Variants in ANKRD18B observed in about 807,000 individuals in gnomAD.
ANKRD18B encodes ankyrin repeat domain-containing protein 18B.
A neutral mutation model predicts 111.8 loss-of-function variants in ANKRD18B; 75 were observed. The ratio of observed to expected loss-of-function variants is 0.67; its 90% confidence interval spans 0.56 to 0.81. ANKRD18B has a LOEUF of 0.81. Among genes scored for constraint, ANKRD18B ranks in the 40% least tolerant of loss-of-function variants. ANKRD18B has a pLI of 0.00. For missense variants in ANKRD18B, 1,038 were observed against 1,225.5 expected (o/e 0.85, Z 2.28); for synonymous variants, 356 against 417.3 (o/e 0.85, Z 1.79).
intron 6 of ANKRD18B, among the ~76,000 whole-genome samples, chr9:33,537,448 G>A (rs114907021): frequency 0.026 from 3,888 of 151,952 alleles, 166 homozygotes; most frequent in African/African-American, 0.087. Flanking sequence ...ATCTCAAACC[G>A]TATTGTCTGA....
At chr9:33,574,338 G>T, downstream of ANKRD18B, 1 of 161,862 alleles carries the variant, frequency 6.2e-6, no homozygotes, top group Non-Finnish European at 1.3e-5. Flanking sequence ...GTAGGAACCT[G>T]GCCAGTTAGC....
At chr9:33,536,212 A>G (rs1261693161) in intron 5 of ANKRD18B, among the ~76,000 whole-genome samples, 2 of 152,166 alleles carry the variant, frequency 1.3e-5, no homozygotes, top group African/African-American at 2.4e-5. Flanking sequence ...TGTTTTAATG[A>G]GATAATAATA....
chr9:33,574,927 C>T (rs1037622021), downstream of ANKRD18B, among the ~76,000 whole-genome samples: 5 of 152,118 alleles, frequency 3.3e-5, no homozygotes, highest in African/African-American at 1.2e-4. Flanking sequence ...CAGTTAGAGA[C>T]ACACAGCAGT....
At chr9:33,565,707 C>T (rs570102518) in intron 14 of ANKRD18B, among the ~76,000 whole-genome samples, 9 of 152,002 alleles carry the variant, frequency 5.9e-5, no homozygotes, top group Non-Finnish European at 1.2e-4. Flanking sequence ...TCCTGGCCTC[C>T]AGTGATCTTT....
Position 33,524,577 on chromosome 9 carries a change from AT to A in ANKRD18B, c.90del (p.Arg31GlyfsTer24), listed in dbSNP as rs1827997488. The A allele has an allele frequency of 6.4e-7, 1 of 1,551,392 alleles. No individual in the cohort carries two copies. The highest frequency in any genetic ancestry group is 1.4e-5 in the African/African-American group (1 of 73,032). ...DQEYAGRGYH[I>X]RDWELRKIHR... The stretch of plus-strand genomic sequence containing the variant: ...AGAGTATGCGGGTCGGGGGTACCAC[AT>A]TCGGGACTGGGAACTGCGGAAGATC... On this transcript the variant is annotated frameshift_variant, in exon 1 of 19. Coordinates refer to ENST00000684830, the MANE Select transcript of ANKRD18B (RefSeq NM_001393611.1). LOFTEE classifies it high-confidence loss of function.
intron 5 of ANKRD18B, among the ~76,000 whole-genome samples, chr9:33,535,820 T>TTA (rs1828192819): frequency 6.9e-6 from 1 of 145,350 alleles, no homozygotes; most frequent in Non-Finnish European, 1.5e-5. Context: ...AATCTATATA[T>TTA]TATATATAGA....
At chr9:33,538,117 A>G (rs1828227043) in intron 6 of ANKRD18B, among the ~76,000 whole-genome samples, 2 of 152,202 alleles carry the variant, frequency 1.3e-5, no homozygotes, top group Non-Finnish European at 2.9e-5. Context: ...TGTCACTAAG[A>G]AAGTAACTGT....
chr9:33,534,825 C>CTTTTTT (rs374951470), intron 5 of ANKRD18B, among the ~76,000 whole-genome samples: 1 of 123,276 alleles, frequency 8.1e-6, no homozygotes, highest in Non-Finnish European at 1.7e-5. Flanking sequence ...TTCTTTCTTC[C>CTTTTTT]TTTTTTTTTT....
chr9:33,538,919 T>C (rs1828239037), intron 6 of ANKRD18B, among the ~76,000 whole-genome samples: 1 of 152,222 alleles, frequency 6.6e-6, no homozygotes, highest in South Asian at 2.1e-4. Flanking sequence ...TACATAATTA[T>C]CAAACCACTT....
intron 16 of ANKRD18B, 115 bp from the exon 17 acceptor site, chr9:33,568,556 C>A: frequency 1.1e-6 from 1 of 871,738 alleles, no homozygotes; most frequent in Non-Finnish European, 1.7e-6. Context: ...TGTGAAAACA[C>A]TGTTTAATGG....
At chr9:33,524,795 C>G in intron 1 of ANKRD18B, 100 bp downstream of exon 1, 3 of 1,399,188 alleles carry the variant, frequency 2.1e-6, no homozygotes, top group Middle Eastern at 2.6e-4. Flanking sequence ...CCCTGGGAGC[C>G]GCGGAGCCAA....
At chr9:33,554,219 CAAAGT>C (rs1271800109) in intron 12 of ANKRD18B, among the ~76,000 whole-genome samples, 17 of 148,692 alleles carry the variant, frequency 1.1e-4, no homozygotes, top group Middle Eastern at 3.4e-3. Context: ...AAGGACAAAG[CAAAGT>C]ATACTGGTGA....
In ANKRD18B at chr9:33,540,172, C is replaced by T. The variant is rs1421915413; in HGVS notation, c.957C>T (p.Leu319=). 6.6e-6 allele frequency: 1 copy of T among 151,164 alleles called. No individual in the cohort carries two copies. The highest frequency in any genetic ancestry group is 1.5e-5 in the Non-Finnish European group (1 of 67,826). The allele number at this position is 151,164 out of a possible 1,614,324, so 9.4% of individuals were successfully genotyped here. Residue 319 remains leucine (L), a synonymous_variant, in exon 8 of 19, where the codon CTC becomes CTT. Coordinates refer to ENST00000684830, the MANE Select transcript of ANKRD18B (RefSeq NM_001393611.1). ...TCAAGCAATTCTCCTGCCTCAGCCTCCCGAGGAGCTGGGACAACAGGCACA... is the reference window on the plus strand; with the variant it reads ...TCAAGCAATTCTCCTGCCTCAGCCTTCCGAGGAGCTGGGACAACAGGCACA... ...PRFKQFSCLS[L]PRSWDNRHMR...
At chr9:33,526,866 A>G (rs2117961287) in intron 1 of ANKRD18B, among the ~76,000 whole-genome samples, 1 of 152,348 alleles carries the variant, frequency 6.6e-6, no homozygotes, top group South Asian at 2.1e-4. Flanking sequence ...TATTATTACT[A>G]TCACAAAAAT....
At chr9:33,530,812 T>C (rs570036936) in intron 3 of ANKRD18B, among the ~76,000 whole-genome samples, 14 of 152,370 alleles carry the variant, frequency 9.2e-5, no homozygotes, top group Non-Finnish European at 1.5e-4. Context: ...CCATGAATCA[T>C]TCACTGCCAT....
At chr9:33,552,966 G>A (rs971152639) in intron 12 of ANKRD18B, among the ~76,000 whole-genome samples, 9 of 152,146 alleles carry the variant, frequency 5.9e-5, no homozygotes, top group Non-Finnish European at 8.8e-5. Context: ...CCGGAGACAC[G>A]GAAAATTAAT....
At chr9:33,555,594 C>A in intron 12 of ANKRD18B, 114 bp from the exon 13 acceptor site, 1 of 848,230 alleles carries the variant, frequency 1.2e-6, no homozygotes, top group Non-Finnish European at 1.6e-6. Context: ...GTAAAATGCA[C>A]TTTATACAAC....
chr9:33,557,996 A>C, intron 13 of ANKRD18B, 62 bp from the exon 14 acceptor site: 1 of 1,394,360 alleles, frequency 7.2e-7, no homozygotes, highest in Non-Finnish European at 9.7e-7. Flanking sequence ...GTATCTGTTT[A>C]AACAATTATT....
chr9:33,543,133 A>T, intron 9 of ANKRD18B, 52 bp from the exon 10 acceptor site: 3 of 1,436,412 alleles, frequency 2.1e-6, no homozygotes, highest in Non-Finnish European at 2.8e-6. Context: ...TTTTATAAAG[A>T]TTATAGTTTT....
Sources: allele counts gnomAD v4.1 joint callset (sites outside exome capture counted in the v4.1 genomes callset), GRCh38; gene constraint gnomAD v4.1.1; transcripts MANE v1.5; gene names NCBI Gene and HGNC (gene_info 2026-07-23, HGNC 2026-07-21).